Variants in NLRC5 observed in about 807,000 individuals in gnomAD.
The protein encoded by NLRC5 is protein NLRC5.
NLRC5 carries 114 observed loss-of-function variants against 206.9 expected under a neutral mutation model. That is an observed-to-expected ratio of 0.55 (90% CI 0.47 to 0.64). The LOEUF is 0.64. Among genes scored for constraint, NLRC5 ranks in the 30% least tolerant of loss-of-function variants. The pLI is 0.00. For synonymous variants in NLRC5, 952 were observed against 962.8 expected, an observed-to-expected ratio of 0.99 and a Z score of 0.21; for missense variants, 2,008 against 2,305.5, an observed-to-expected ratio of 0.87 and a Z score of 2.64.
intron 24 of NLRC5, 72 bp from the exon 25 acceptor site, chr16:57,054,679 T>G: frequency 2.4e-5 from 13 of 547,766 alleles, no homozygotes; most frequent in East Asian, 5.0e-5. Context: ...CCACCCTCCC[T>G]TTCCTTACCC....
chr16:57,077,417 C>T (rs1311784043), intron 41 of NLRC5, 38 bp downstream of exon 41: 1 of 1,564,042 alleles, frequency 6.4e-7, no homozygotes, highest in Non-Finnish European at 8.8e-7. Flanking sequence ...CCACAGGGGT[C>T]ACACGATGGT....
At chr16:57,066,210 G>A (rs2067064831) in intron 33 of NLRC5, among the ~76,000 whole-genome samples, 1 of 152,086 alleles carries the variant, frequency 6.6e-6, no homozygotes, top group African/African-American at 2.4e-5. Flanking sequence ...GCCGAGGCAG[G>A]AGGATCACTG....
intron 8 of NLRC5, 60 bp from the exon 9 acceptor site, chr16:57,029,713 C>A: frequency 6.9e-7 from 1 of 1,450,644 alleles, no homozygotes; most frequent in Non-Finnish European, 9.6e-7. Flanking sequence ...CACTTGCTAA[C>A]TGGGGCTTGC....
rs772984274 is a variant in NLRC5 at position 57,026,703 on chromosome 16, G to C, written c.1760G>C (p.Cys587Ser). 3 of 1,613,944 alleles carry C rather than the reference G, an allele frequency of 1.9e-6. No individual in the cohort carries two copies. Among genetic ancestry groups the C allele is most frequent in the Non-Finnish European group, 2.5e-6 (3 of 1,179,944 alleles). ...LSHLAQGNED[C>S]VGAKQAAVVQ... ...CACCTGGCGCAGGGCAATGAGGACTGTGTGGGTGCCAAGCAGGCTGCTGTA... is the reference window on the plus strand; with the variant it reads ...CACCTGGCGCAGGGCAATGAGGACTCTGTGGGTGCCAAGCAGGCTGCTGTA... The change falls in exon 6 of 49, where the codon TGT becomes TCT. Residue 587 changes from cysteine (C) to serine (S), a missense_variant. By Grantham distance (112) the Cys-to-Ser change is moderately radical. Transcript: ENST00000688547.
chr16:57,040,578 C>T, intron 16 of NLRC5, 72 bp from the exon 17 acceptor site: 2 of 1,477,596 alleles, frequency 1.4e-6, no homozygotes, highest in South Asian at 1.1e-5. Context: ...GGTGGAAGGC[C>T]AGGCTGAGGA....
chr16:57,070,657 G>C (rs750966364), intron 38 of NLRC5, 39 bp downstream of exon 38: 1 of 1,559,336 alleles, frequency 6.4e-7, no homozygotes. Context: ...TGAGTGGTGG[G>C]GGTGGTTAAT....
chr16:57,028,918 C>T (rs2061512772), intron 8 of NLRC5, among the ~76,000 whole-genome samples: 1 of 152,228 alleles, frequency 6.6e-6, no homozygotes, highest in African/African-American at 2.4e-5. Flanking sequence ...AAATATACTC[C>T]TGCCCTGTGT....
intron 23 of NLRC5, among the ~76,000 whole-genome samples, chr16:57,049,854 A>G (rs2064615552): frequency 6.6e-6 from 1 of 152,148 alleles, no homozygotes; most frequent in Non-Finnish European, 1.5e-5. Context: ...GGAAAGTGCA[A>G]TAGTGAATAT....
In NLRC5 at chr16:57,029,788, G is replaced by A. The variant is rs371727833; in HGVS notation, c.2259G>A (p.Gln753=). 3.1e-6 allele frequency: 5 copies of A among 1,614,056 alleles called. No individual in the cohort carries two copies. The highest frequency in any genetic ancestry group is 2.7e-5 in the African/African-American group (2 of 74,926). The part of the protein sequence containing the change: ...QLKEVSFRDN[Q]LSDQVVLNIV... ...CTCCTCGCAGTTTTCGGGACAACCA[G>A]CTCAGTGACCAGGTGGTGCTGAACA... Residue 753 remains glutamine (Q), a synonymous_variant, in exon 9 of 49, where the codon CAG becomes CAA. Coordinates refer to ENST00000688547, the MANE Select transcript of NLRC5 (RefSeq NM_001384950.1).
chr16:57,000,696 C>T (rs930334832), intron 1 of NLRC5, among the ~76,000 whole-genome samples: 7 of 152,146 alleles, frequency 4.6e-5, no homozygotes, highest in Non-Finnish European at 7.3e-5. Context: ...ACAACAGAGA[C>T]GATGGTTTTC....
At chr16:57,068,785 A>G (rs1300447928) in intron 36 of NLRC5, among the ~76,000 whole-genome samples, 1 of 152,242 alleles carries the variant, frequency 6.6e-6, no homozygotes, top group East Asian at 1.9e-4. Context: ...ATCCAGGATC[A>G]CACGTCTCAT....
At chr16:57,033,771 G>C in intron 12 of NLRC5, 102 bp downstream of exon 12, 1 of 1,116,100 alleles carries the variant, frequency 9.0e-7, no homozygotes, top group Non-Finnish European at 1.3e-6. Context: ...AAAAGCAGAT[G>C]AGGGACAGGG....
At chr16:57,062,981 T>TTA (rs1188882996) in intron 32 of NLRC5, among the ~76,000 whole-genome samples, 1 of 152,106 alleles carries the variant, frequency 6.6e-6, no homozygotes, top group Non-Finnish European at 1.5e-5. Flanking sequence ...TCTAAATAGT[T>TTA]TATATGAGTG....
At position 57,036,086 on chromosome 16, in the gene NLRC5, G is replaced by A. The variant is rs764965938; in HGVS notation, c.2628-14G>A. 1.3e-6 allele frequency: 2 copies of A among 1,570,560 alleles called. No individual in the cohort carries two copies. Among genetic ancestry groups the A allele is most frequent in the Non-Finnish European group, 1.7e-6 (2 of 1,163,152 alleles). ...CCAGCCCCACAATACAGTGCATTGG[G>A]CCCCCCGTCTCAGCCTCTCAGGGAA... is the stretch of plus-strand genomic sequence containing the variant. On this transcript the variant is annotated splice_polypyrimidine_tract_variant and intron_variant, in intron 13 of 48. Coordinates refer to ENST00000688547, the MANE Select transcript of NLRC5 (RefSeq NM_001384950.1).
intron 29 of NLRC5, 47 bp downstream of exon 29, chr16:57,059,108 G>A (rs369366991): frequency 6.2e-7 from 1 of 1,612,822 alleles, no homozygotes; most frequent in East Asian, 2.2e-5. Flanking sequence ...CTGGCCAACA[G>A]GTGCCCCTGG....
intron 47 of NLRC5, 49 bp downstream of exon 47, chr16:57,081,230 T>C (rs1467204691): frequency 6.6e-7 from 1 of 1,507,816 alleles, no homozygotes; most frequent in Non-Finnish European, 8.9e-7. Context: ...GGGACCTACA[T>C]CCCGGGAACA....
chr16:57,073,778 G>A (rs2068048043), intron 38 of NLRC5, among the ~76,000 whole-genome samples: 1 of 152,144 alleles, frequency 6.6e-6, no homozygotes, highest in Non-Finnish European at 1.5e-5. Context: ...ATTTTTAGTG[G>A]AGATGGGGTT....
At chr16:57,077,474 C>A in intron 41 of NLRC5, 95 bp downstream of exon 41, 1 of 1,234,352 alleles carries the variant, frequency 8.1e-7, no homozygotes, top group Non-Finnish European at 1.2e-6. Context: ...GTAAAATCTC[C>A]CCTGCGCCAA....
intron 13 of NLRC5, 60 bp from the exon 14 acceptor site, chr16:57,036,040 G>T: frequency 6.8e-7 from 1 of 1,477,454 alleles, no homozygotes; most frequent in Non-Finnish European, 9.4e-7. Context: ...AGGAGTAAGT[G>T]ATGGGGATTG....
Sources: gnomAD v4.1 joint callset for allele counts (sites outside exome capture counted in the v4.1 genomes callset) on GRCh38, gnomAD v4.1.1 for gene constraint, MANE v1.5 for transcripts, NCBI Gene and HGNC (gene_info 2026-07-23, HGNC 2026-07-21) for gene names.